PTGER4: variants seen among roughly 807,000 people sequenced by gnomAD.
PTGER4 encodes prostaglandin E receptor 4.
In PTGER4, 11 loss-of-function variants were observed where a neutral mutation model predicts 33.2. The observed-to-expected ratio is 0.33, with a 90% CI of 0.21 to 0.55. The LOEUF is 0.55. PTGER4 is among the 20% of genes least tolerant of loss of function. The pLI, the probability that PTGER4 is intolerant of heterozygous loss-of-function variation, is 0.92. For synonymous variants in PTGER4, 275 were observed against 281.5 expected (o/e 0.98, Z 0.23); for missense variants, 481 against 650.2 (o/e 0.74, Z 2.83).
rs188376652 is a variant in PTGER4, at chr5:40,686,484, A to G, written c.867+4624A>G. Among the ~76,000 whole-genome samples the G allele has an allele frequency of 1.1e-4, 16 of 152,364 alleles. No individual in the cohort carries two copies. In the East Asian group the frequency reaches 3.1e-3, roughly 29 times the overall value. Reference sequence around the variant, plus strand: ...GAAAGAAAAAGTAATGAGAGCCAACATATCTGTTATACGATAGGCACTGTA... The same window carrying G: ...GAAAGAAAAAGTAATGAGAGCCAACGTATCTGTTATACGATAGGCACTGTA... On this transcript the variant is annotated intron_variant, in intron 2 of 2. Coordinates refer to ENST00000302472, the MANE Select transcript of PTGER4 (RefSeq NM_000958.3).
downstream of PTGER4, among the ~76,000 whole-genome samples, chr5:40,694,532 G>A (rs1335819254): frequency 6.6e-6 from 1 of 152,174 alleles, no homozygotes; most frequent in East Asian, 1.9e-4. Flanking sequence ...GGTTTCTCTT[G>A]AGCCCCCTCT....
chr5:40,703,902 C>CAAAAAAAAAA, the PTGER4 span, among the ~76,000 whole-genome samples: 8 of 37,264 alleles, frequency 2.1e-4, 1 homozygote, highest in Admixed American at 8.8e-4. Flanking sequence ...GACGCCGTCT[C>CAAAAAAAAAA]AAAAAAAAAA....
the PTGER4 span, among the ~76,000 whole-genome samples, chr5:40,718,264 G>A: frequency 6.6e-6 from 1 of 151,874 alleles, no homozygotes; most frequent in Non-Finnish European, 1.5e-5. Context: ...AAAATTAGTT[G>A]GACATAGTGG....
At chr5:40,740,896 T>C in the PTGER4 span, among the ~76,000 whole-genome samples, 2 of 152,242 alleles carry the variant, frequency 1.3e-5, no homozygotes, top group Non-Finnish European at 2.9e-5. Flanking sequence ...GTATATTTTT[T>C]ATTTCAGATA....
chr5:40,685,965 T>C (rs1741313107), intron 2 of PTGER4, among the ~76,000 whole-genome samples: 1 of 152,232 alleles, frequency 6.6e-6, no homozygotes, highest in Non-Finnish European at 1.5e-5. Flanking sequence ...ACAGAAACTT[T>C]CAGTGTAGAG....
chr5:40,731,871 C>G, the PTGER4 span, among the ~76,000 whole-genome samples: 1 of 152,192 alleles, frequency 6.6e-6, no homozygotes, highest in Non-Finnish European at 1.5e-5. Flanking sequence ...ACTATGAGTA[C>G]CACTTCAGAC....
chr5:40,682,328 G>A (rs1383421069), intron 2 of PTGER4, among the ~76,000 whole-genome samples: 6 of 152,154 alleles, frequency 3.9e-5, no homozygotes, highest in Non-Finnish European at 7.3e-5. Context: ...TTGGTGTTTT[G>A]ATGTATGCAA....
At chr5:40,698,109 AAAAAAAAAAAC>A (rs1741654935), downstream of PTGER4, among the ~76,000 whole-genome samples, 3 of 145,640 alleles carry the variant, frequency 2.1e-5, no homozygotes, top group Admixed American at 7.0e-5. Context: ...AAAAAAAAAA[AAAAAAAAAAAC>A]CATGAAAAAT....
rs1326434717 is a variant in PTGER4, at chr5:40,681,897, T to C, written c.867+37T>C. The stretch of plus-strand genomic sequence containing the variant: ...GGGCTGGGGCCCTACTCGGCCTTTT[T>C]CTCGCATCCACCTCCCGCGTCCATT... On this transcript the variant is annotated intron_variant, in intron 2 of 2. Transcript: ENST00000302472. The surrounding 1 kb of genome is among the most constrained non-coding windows in gnomAD (Gnocchi z 9.8). 6.8e-7 allele frequency: 1 copy of C among 1,478,430 alleles called. No individual in the cohort carries two copies. The highest frequency in any genetic ancestry group is 8.9e-7 in the Non-Finnish European group (1 of 1,118,880). The allele number at this position is 1,478,430 out of a possible 1,614,324, so 91.6% of individuals were successfully genotyped here.
chr5:40,698,229 G>C (rs1333954947), downstream of PTGER4, among the ~76,000 whole-genome samples: 1 of 151,156 alleles, frequency 6.6e-6, no homozygotes, highest in African/African-American at 2.4e-5. Context: ...AGTGAGCTAA[G>C]ATGGTGCCAC....
the PTGER4 span, among the ~76,000 whole-genome samples, chr5:40,728,831 T>G: frequency 2.6e-5 from 4 of 152,210 alleles, no homozygotes; most frequent in African/African-American, 9.6e-5. Context: ...GGTATTGCCA[T>G]TAAACTAGGT....
chr5:40,714,276 T>C, the PTGER4 span, among the ~76,000 whole-genome samples: 1 of 152,164 alleles, frequency 6.6e-6, no homozygotes, highest in Admixed American at 6.6e-5. Context: ...TCAGAGGAAA[T>C]TGAGGTTAAA....
the PTGER4 span, chr5:40,715,818 T>C: frequency 4.9e-6 from 1 of 203,344 alleles, no homozygotes; most frequent in African/African-American, 2.3e-5. Flanking sequence ...TTCAGTAACA[T>C]TGATCAAATT....
chr5:40,681,028 T>G lies in PTGER4; in HGVS notation c.35T>G (p.Leu12Trp). Reference protein sequence around the residue: ...STPGVNSSASLSPDRLNSPVT... With the variant: ...STPGVNSSASWSPDRLNSPVT... ...CCCGGGGTCAATTCGTCCGCCTCCT[T>G]GAGCCCCGACCGGCTGAACAGCCCA... Residue 12 changes from leucine (L) to tryptophan (W), a missense_variant, in exon 2 of 3, where the codon TTG becomes TGG. Around this residue, in one of 7 missense-constraint regions of PTGER4, gnomAD observed 26 missense variants for 21.0 expected, o/e 1.24. Coordinates refer to ENST00000302472, the MANE Select transcript of PTGER4 (RefSeq NM_000958.3). This position sits in a 1 kb window ranked among gnomAD's most constrained non-coding sequence, Gnocchi z 9.8. 6.2e-7 allele frequency: 1 copy of G among 1,613,818 alleles called. No homozygotes were observed. Among genetic ancestry groups the G allele is most frequent in the Non-Finnish European group, 8.5e-7 (1 of 1,179,908 alleles).
the PTGER4 span, among the ~76,000 whole-genome samples, chr5:40,726,146 TA>T: frequency 7.6e-5 from 8 of 104,602 alleles, no homozygotes; most frequent in Non-Finnish European, 1.5e-4. Flanking sequence ...AAGTCTTTTA[TA>T]TATATATATA....
At chr5:40,709,224 G>A in the PTGER4 span, among the ~76,000 whole-genome samples, 9 of 152,156 alleles carry the variant, frequency 5.9e-5, no homozygotes, top group African/African-American at 2.2e-4. Context: ...ATTCAATTAG[G>A]AAAAGAGGAA....
the PTGER4 span, among the ~76,000 whole-genome samples, chr5:40,702,134 A>G: frequency 6.6e-6 from 1 of 152,188 alleles, no homozygotes. Context: ...CAATATAATA[A>G]CCAGCTCACA....
At chr5:40,706,688 G>GA in the PTGER4 span, among the ~76,000 whole-genome samples, 16,997 of 148,098 alleles carry the variant, frequency 0.11, 1,262 homozygotes, top group Non-Finnish European at 0.17. Flanking sequence ...AACCAAAAAG[G>GA]AAAAAAAAAA....
the PTGER4 span, among the ~76,000 whole-genome samples, chr5:40,735,060 G>A: frequency 3.9e-5 from 6 of 152,328 alleles, no homozygotes; most frequent in African/African-American, 1.4e-4. Flanking sequence ...CCTGGGGCAG[G>A]ACCAAACCAT....
Sources: gnomAD v4.1 joint callset for allele counts (sites outside exome capture counted in the v4.1 genomes callset) on GRCh38, gnomAD v4.1.1 for gene constraint, gnomAD v4.1.1 regional missense constraint, Gnocchi (gnomAD v3.1) non-coding constraint, MANE v1.5 for transcripts, NCBI Gene and HGNC (gene_info 2026-07-23, HGNC 2026-07-21) for gene names.